CDK11B: variants seen among roughly 807,000 people sequenced by gnomAD.
The protein encoded by CDK11B is cyclin dependent kinase 11B, also known as cyclin-dependent kinase 11B.
A neutral mutation model predicts 84.0 loss-of-function variants in CDK11B; 37 were observed. The ratio of observed to expected loss-of-function variants is 0.44; its 90% CI spans 0.34 to 0.58. The LOEUF is 0.58. Ranked by LOEUF, CDK11B falls within the 20% of genes least tolerant of loss-of-function variation. The probability of loss-of-function intolerance (pLI) is 0.02; values close to 1 mark genes in which losing one functional copy is unlikely to be tolerated. For synonymous variants in CDK11B, 269 were observed against 309.8 expected (o/e 0.87, Z 1.38); for missense variants, 427 against 834.0 (o/e 0.51, Z 6.01).
intron 11 of CDK11B, among the ~76,000 whole-genome samples, 179 bp from the exon 12 acceptor site, chr1:1,638,769 A>G (rs1460132576): frequency 9.2e-5 from 14 of 152,252 alleles, no homozygotes; most frequent in African/African-American, 3.4e-4. Flanking sequence ...TTGCAAAACC[A>G]TCTGACACTT....
chr1:1,658,712 G>A (rs946041146), intron 1 of CDK11B, among the ~76,000 whole-genome samples: 13 of 149,136 alleles, frequency 8.7e-5, no homozygotes, highest in Admixed American at 8.7e-4. Flanking sequence ...GTTCAGCCTG[G>A]CAGACGTTGG....
chr1:1,638,166 C>A (rs1454580464), intron 12 of CDK11B, among the ~76,000 whole-genome samples: 1 of 151,940 alleles, frequency 6.6e-6, no homozygotes, highest in African/African-American at 2.4e-5. Flanking sequence ...CCCAACAGAG[C>A]CGGCCTCACC....
At chr1:1,646,467 C>T (rs767974677) in intron 5 of CDK11B, 4 of 519,868 alleles carry the variant, frequency 7.7e-6, no homozygotes, top group African/African-American at 3.8e-5. Context: ...TATTCCCTGT[C>T]TTCTTTGTGC....
chr1:1,652,296 G>A, intron 4 of CDK11B, 143 bp downstream of exon 4: 1 of 630,558 alleles, frequency 1.6e-6, no homozygotes, highest in Non-Finnish European at 2.4e-6. Flanking sequence ...TAGCCATTCT[G>A]AACGGTCTGT....
At chr1:1,650,370 CT>C (rs1214383150) in intron 4 of CDK11B, among the ~76,000 whole-genome samples, 87 of 120,476 alleles carry the variant, frequency 7.2e-4, no homozygotes, top group Non-Finnish European at 7.9e-4. Flanking sequence ...TCTTTTTTTT[CT>C]TTTTTTTTTT....
rs1639958358 is a variant in CDK11B at position 1,639,665 on chromosome 1, G to A, written c.1251+612C>T. Among the ~76,000 whole-genome samples, 4 of 151,952 alleles carry A rather than the reference G, an allele frequency of 2.6e-5. 1 individual carries two copies. In the Middle Eastern group the frequency reaches 0.01, roughly 388 times the overall value. On this transcript the variant is annotated intron_variant, in intron 11 of 19. Transcript: ENST00000341832. ...GGCGCTCACAAGGCATAGGGCAGTCGACAGAGGCCTGCTGCATGCGCCAGA... is the reference window on the plus strand; with the variant it reads ...GGCGCTCACAAGGCATAGGGCAGTCAACAGAGGCCTGCTGCATGCGCCAGA...
chr1:1,657,728 G>A (rs1465933712), intron 1 of CDK11B, among the ~76,000 whole-genome samples: 1 of 121,316 alleles, frequency 8.2e-6, no homozygotes, highest in African/African-American at 3.4e-5. Flanking sequence ...GCAAAACCTC[G>A]TCTCTACAAA....
At chr1:1,650,268 C>CAAAACAAAAAAAAAAAAAAA (rs1641790508) in intron 4 of CDK11B, among the ~76,000 whole-genome samples, 1 of 45,814 alleles carries the variant, frequency 2.2e-5, no homozygotes, top group Non-Finnish European at 4.3e-5. Flanking sequence ...GACTCCGTCC[C>CAAAACAAAAAAAAAAAAAAA]AAAAAAAAAA....
chr1:1,638,047 C>G (rs1410749468), intron 12 of CDK11B, among the ~76,000 whole-genome samples, 164 bp from the exon 13 acceptor site: 5 of 152,198 alleles, frequency 3.3e-5, no homozygotes, highest in Non-Finnish European at 5.9e-5. Context: ...AACGCCCCAG[C>G]TGAGGTCTGG....
In CDK11B at chr1:1,641,723, T is replaced by TTCC. The variant is rs200429680; in HGVS notation, c.945_947dup (p.Glu323dup). ...CGGTCTCCTCCTCCTCCTCTTCCTC[T>TTCC]TCCTCCTCCTCCTCCTCTGATTCTT... On this transcript the variant is annotated inframe_insertion, in exon 9 of 20. Transcript: ENST00000341832. The TTCC allele has an allele frequency of 5.1e-4, 437 of 852,612 alleles. 22 individuals are homozygous for TTCC. The highest frequency in any genetic ancestry group is 3.4e-3 in the South Asian group (216 of 63,664). 52.8% of individuals were successfully genotyped at this position (852,612 alleles called of 1,614,324 possible). A position where few individuals can be genotyped will look rare whatever the true frequency, so the allele number is the denominator to read the frequency against.
chr1:1,636,775 C>T lies in CDK11B; in HGVS notation c.1824G>A (p.Met608Ile). ...CCCCGAAGATGCAACCCACTGACCA[C>T]ATGTCCACGGCCGTGGAGTATTCCT... is the stretch of plus-strand genomic sequence containing the variant. ...GAKEYSTAVD[M>I]WSVGCIFGEL... The change falls in exon 17 of 20, where the codon ATG (methionine) becomes ATA (isoleucine). Residue 608 changes from methionine to isoleucine, a missense_variant. Physicochemically the swap from Met to Ile is conservative, Grantham distance 10. This residue lies in a region of CDK11B where 170 missense variants were observed against 196.0 expected (regional missense o/e 0.87). Coordinates refer to ENST00000341832, the MANE Select transcript of CDK11B (RefSeq NM_033486.3). The T allele has an allele frequency of 6.2e-7, 1 of 1,613,934 alleles. No individual in the cohort carries two copies.
At chr1:1,638,899 A>G (rs542499833) in intron 11 of CDK11B, among the ~76,000 whole-genome samples, 1 of 151,406 alleles carries the variant, frequency 6.6e-6, no homozygotes, top group African/African-American at 2.4e-5. Context: ...CCAGGAGTTC[A>G]AGACCAGCCC....
intron 3 of CDK11B, among the ~76,000 whole-genome samples, 155 bp from the exon 4 acceptor site, chr1:1,652,721 G>C (rs1642167218): frequency 6.6e-6 from 1 of 152,098 alleles, no homozygotes. Context: ...TCCAACTTTA[G>C]GCATCTTTTT....
At chr1:1,647,504 C>T (rs1641323149) in intron 5 of CDK11B, among the ~76,000 whole-genome samples, 2 of 152,356 alleles carry the variant, frequency 1.3e-5, no homozygotes, top group South Asian at 4.1e-4. Flanking sequence ...TAGCAATTAG[C>T]CAGCACTGGA....
At chr1:1,655,806 C>T (rs1387588628) in intron 2 of CDK11B, among the ~76,000 whole-genome samples, 2 of 152,022 alleles carry the variant, frequency 1.3e-5, no homozygotes, top group Non-Finnish European at 2.9e-5. Context: ...CTGCTTGAAC[C>T]CGGGAGGCGG....
At chr1:1,653,314 C>T (rs1642259950) in intron 3 of CDK11B, among the ~76,000 whole-genome samples, 1 of 152,074 alleles carries the variant, frequency 6.6e-6, no homozygotes, top group Non-Finnish European at 1.5e-5. Flanking sequence ...TGAGCCACCG[C>T]ACCCAGCTTT....
chr1:1,636,303 C>T (rs1208732310), intron 18 of CDK11B, 30 bp downstream of exon 18: 10 of 1,541,570 alleles, frequency 6.5e-6, no homozygotes, highest in African/African-American at 1.4e-5. Context: ...TGGCTCGGGA[C>T]CTCCCGCCAC....
At chr1:1,639,511 C>T (rs917752256) in intron 11 of CDK11B, among the ~76,000 whole-genome samples, 9 of 151,916 alleles carry the variant, frequency 5.9e-5, no homozygotes, top group South Asian at 2.1e-4. Flanking sequence ...ACCTGCCAGG[C>T]GCAGCATGAT....
In CDK11B at chr1:1,637,096, G is replaced by A. The variant is rs370879847; in HGVS notation, c.1677C>T (p.His559=). 351 of 1,613,642 alleles carry A rather than the reference G, an allele frequency of 2.2e-4. No individual in the cohort carries two copies. In the Middle Eastern group the frequency reaches 2.4e-3, roughly 11 times the overall value. ...DLKTSNLLLS[H]AGILKVGDFG... is the part of the protein sequence containing the mutation. ...GGGGGCTCACCTTGAGGATGCCGGCGTGGCTCAGCAGCAGGTTGGACGTCT... is the reference window on the plus strand; with the variant it reads ...GGGGGCTCACCTTGAGGATGCCGGCATGGCTCAGCAGCAGGTTGGACGTCT... The change falls in exon 15 of 20, where the codon CAC becomes CAT. Residue 559 remains histidine (H), a synonymous_variant. Transcript: ENST00000341832.
Sources: gnomAD v4.1 joint callset for allele counts (sites outside exome capture counted in the v4.1 genomes callset) on GRCh38, gnomAD v4.1.1 for gene constraint, gnomAD v4.1.1 regional missense constraint, MANE v1.5 for transcripts, NCBI Gene and HGNC (gene_info 2026-07-23, HGNC 2026-07-21) for gene names.